Variants in TBC1D21 observed in about 807,000 individuals in gnomAD.
TBC1D21 encodes male germ cell Rab GTPase-activating protein.
Under a neutral mutation model 46.0 loss-of-function variants are expected in TBC1D21, and 38 were observed. The observed-to-expected ratio is 0.83, with a 90% confidence interval of 0.64 to 1.08. The LOEUF (loss-of-function observed/expected upper bound fraction) is 1.08, where lower values mean the gene tolerates loss of function less well. TBC1D21 is among the 50% of genes least tolerant of loss of function. The probability of loss-of-function intolerance (pLI) is 0.00; values close to 1 mark genes in which losing one functional copy is unlikely to be tolerated. For synonymous variants in TBC1D21, 151 were observed against 157.2 expected (o/e 0.96, Z 0.29); for missense variants, 415 against 417.9 (o/e 0.99, Z 0.06).
chr15:73,881,623 C>A, intron 2 of TBC1D21, 21 bp from the exon 3 acceptor site: 1 of 1,610,558 alleles, frequency 6.2e-7, no homozygotes, highest in Non-Finnish European at 8.5e-7. Context: ...CCATGACCTC[C>A]ACCTCCCACC....
the TBC1D21 span, among the ~76,000 whole-genome samples, chr15:73,900,989 T>C: frequency 6.6e-6 from 1 of 152,202 alleles, no homozygotes; most frequent in African/African-American, 2.4e-5. Flanking sequence ...CCCAATTTCT[T>C]GCCCAGGGAG....
chr15:73,887,514 C>A, intron 8 of TBC1D21, 106 bp from the exon 9 acceptor site: 1 of 879,762 alleles, frequency 1.1e-6, no homozygotes, highest in East Asian at 2.5e-5. Context: ...GCAGCAAGGC[C>A]CAGGAATGGC....
At chr15:73,894,757 C>T in the TBC1D21 span, among the ~76,000 whole-genome samples, 3 of 152,214 alleles carry the variant, frequency 2.0e-5, no homozygotes, top group African/African-American at 7.2e-5. Flanking sequence ...GCCGACCTTT[C>T]TCTGGACCAG....
the TBC1D21 span, among the ~76,000 whole-genome samples, chr15:73,898,880 A>AAAAAATATATATATATATAT: frequency 2.6e-4 from 15 of 56,786 alleles, no homozygotes; most frequent in South Asian, 6.1e-4. Context: ...AAAAAAAAAA[A>AAAAAATATATATATATATAT]ATATATATAT....
chr15:73,889,559 A>G (rs1391060409), downstream of TBC1D21, among the ~76,000 whole-genome samples: 1 of 152,096 alleles, frequency 6.6e-6, no homozygotes, highest in Non-Finnish European at 1.5e-5. Context: ...CCCCACCCCC[A>G]CTGCTCCCCT....
chr15:73,885,129 A>G, intron 6 of TBC1D21, 26 bp downstream of exon 6: 1 of 1,596,616 alleles, frequency 6.3e-7, no homozygotes. Context: ...GAGCTCAGGG[A>G]CGCCCCTCCC....
chr15:73,876,222 T>G lies in TBC1D21; in HGVS notation c.60+2453T>G, dbSNP rs1456916187. Among the ~76,000 whole-genome samples the G allele has an allele frequency of 7.7e-4, 39 of 50,956 alleles. 3 individuals are homozygous for G. Among genetic ancestry groups the G allele is most frequent in the South Asian group, 3.8e-3 (4 of 1,064 alleles). 33.4% of individuals were successfully genotyped at this position (50,956 alleles called of 152,430 possible). On this transcript the variant is annotated intron_variant, in intron 1 of 10. Transcript: ENST00000300504. Reference sequence around the variant, plus strand: ...GGGTTTTTTTTTTTTTTTTTTTTTTTTTTTTTTTTTTTTTTTTTTTTTTGA... The same window carrying G: ...GGGTTTTTTTTTTTTTTTTTTTTTTGTTTTTTTTTTTTTTTTTTTTTTTGA...
Position 73,884,762 on chromosome 15 carries a change from C to T in TBC1D21, c.368-19C>T, listed in dbSNP as rs1407259962. ...GATGTGATCTGGTGCCACCTACTTG[C>T]CCCTTGCTTCCAACCTAGCACGTGA... On this transcript the variant is annotated intron_variant, in intron 4 of 10. Coordinates refer to ENST00000300504, the MANE Select transcript of TBC1D21 (RefSeq NM_153356.3). 3 of 1,589,354 alleles carry T rather than the reference C, an allele frequency of 1.9e-6. No individual in the cohort carries two copies. Among genetic ancestry groups the T allele is most frequent in the South Asian group, 1.1e-5 (1 of 90,124 alleles).
chr15:73,905,900 C>T, the TBC1D21 span, among the ~76,000 whole-genome samples: 1 of 151,370 alleles, frequency 6.6e-6, no homozygotes, highest in Non-Finnish European at 1.5e-5. Flanking sequence ...GGCCTCTGTC[C>T]CAGGGATCAT....
the TBC1D21 span, among the ~76,000 whole-genome samples, chr15:73,899,290 C>T: frequency 2.6e-5 from 4 of 152,142 alleles, no homozygotes. Flanking sequence ...CTGGATGCAC[C>T]CTCAATTCCT....
At chr15:73,886,003 G>A (rs1242975074) in intron 6 of TBC1D21, 75 bp from the exon 7 acceptor site, 34 of 1,261,990 alleles carry the variant, frequency 2.7e-5, no homozygotes, top group Admixed American at 5.2e-5. Context: ...AAGTGAAGCT[G>A]GGGGAAGCAG....
At chr15:73,881,529 G>A in intron 2 of TBC1D21, 23 bp downstream of exon 2, 1 of 1,610,672 alleles carries the variant, frequency 6.2e-7, no homozygotes. Flanking sequence ...GCTACCCTTG[G>A]CCTTGCCCTG....
chr15:73,888,465 G>A lies in TBC1D21; in HGVS notation c.930G>A (p.Glu310=), dbSNP rs1360718315. 5.0e-6 allele frequency: 8 copies of A among 1,613,930 alleles called. No homozygotes were observed. Among genetic ancestry groups the A allele is most frequent in the Admixed American group, 1.7e-5 (1 of 59,992 alleles). The change falls in exon 10 of 11, where the codon GAG becomes GAA. Residue 310 remains glutamate, a synonymous_variant. Coordinates refer to ENST00000300504, the MANE Select transcript of TBC1D21 (RefSeq NM_153356.3). ...CNNLIDLDAD[E]LISAACVVYA... ...ACCTCATCGACCTTGATGCTGATGA[G>A]CTGATCTCTGCCGCCTGCGTGGTTT... is the stretch of plus-strand genomic sequence containing the variant.
At chr15:73,894,817 G>A in the TBC1D21 span, among the ~76,000 whole-genome samples, 1 of 152,212 alleles carries the variant, frequency 6.6e-6, no homozygotes, top group Non-Finnish European at 1.5e-5. Flanking sequence ...GCAGAGAGGA[G>A]GGAATTTCCA....
chr15:73,899,585 G>A, the TBC1D21 span, among the ~76,000 whole-genome samples: 1 of 152,194 alleles, frequency 6.6e-6, no homozygotes, highest in Non-Finnish European at 1.5e-5. Flanking sequence ...CAAGGGTCTG[G>A]AGGTGGGAGG....
At chr15:73,885,530 AG>A (rs2068228853) in intron 6 of TBC1D21, among the ~76,000 whole-genome samples, 1 of 152,034 alleles carries the variant, frequency 6.6e-6, no homozygotes, top group Non-Finnish European at 1.5e-5. Flanking sequence ...CAGGCACACC[AG>A]GGGACTCAAT....
rs2068221008 is a variant in TBC1D21, at chr15:73,885,082, C to G, written c.558C>G (p.Phe186Leu). Reference sequence around the variant, plus strand: ...ACGACCACGAGACCTTCTGGCTTTTCCAGTTCTTCCTGCAGAAAACGGTGA... The same window carrying G: ...ACGACCACGAGACCTTCTGGCTTTTGCAGTTCTTCCTGCAGAAAACGGTGA... ...VEHDHETFWL[F>L]QFFLQKTEHS... Residue 186 changes from phenylalanine (F) to leucine (L), a missense_variant, in exon 6 of 11, where the codon TTC becomes TTG. Coordinates refer to ENST00000300504, the MANE Select transcript of TBC1D21 (RefSeq NM_153356.3). The G allele has an allele frequency of 1.2e-6, 2 of 1,613,034 alleles. No individual in the cohort carries two copies. The highest frequency in any genetic ancestry group is 4.5e-5 in the East Asian group (2 of 44,854).
chr15:73,909,397 C>G, the TBC1D21 span, among the ~76,000 whole-genome samples: 1 of 152,008 alleles, frequency 6.6e-6, no homozygotes. Context: ...AGAGTGCAGC[C>G]CAGGGCCTGA....
intron 1 of TBC1D21, among the ~76,000 whole-genome samples, chr15:73,876,200 T>G (rs12708507): frequency 0.81 from 16,997 of 20,860 alleles, 7,033 homozygotes; most frequent in Non-Finnish European, 0.94. Context: ...TTTTTGTGGG[T>G]TTTTTTTTTT....
Sources: gnomAD v4.1 joint callset for allele counts (sites outside exome capture counted in the v4.1 genomes callset) on GRCh38, gnomAD v4.1.1 for gene constraint, MANE v1.5 for transcripts, NCBI Gene and HGNC (gene_info 2026-07-23, HGNC 2026-07-21) for gene names.